Variants in NOTCH2 observed in about 807,000 individuals in gnomAD.
The protein encoded by NOTCH2 is notch receptor 2.
Under a neutral mutation model 235.8 loss-of-function variants are expected in NOTCH2, and 29 were observed. The observed-to-expected ratio is 0.12, with a 90% CI of 0.09 to 0.17. The LOEUF (loss-of-function observed/expected upper bound fraction) is 0.17, where lower values mean the gene tolerates loss of function less well. Ranked by LOEUF, NOTCH2 falls within the 10% of genes least tolerant of loss-of-function variation. The pLI, the probability that NOTCH2 is intolerant of heterozygous loss-of-function variation, is 1.00. For missense variants in NOTCH2, 2,285 were observed against 3,150.2 expected (o/e 0.73, Z 6.57); for synonymous variants, 1,086 against 1,141.5 (o/e 0.95, Z 0.98).
At chr1:119,921,995 C>G (rs1372544563) in intron 28 of NOTCH2, among the ~76,000 whole-genome samples, 186 bp from the exon 29 acceptor site, 2 of 152,062 alleles carry the variant, frequency 1.3e-5, no homozygotes, top group Non-Finnish European at 2.9e-5. Context: ...TCCCATTGAT[C>G]GTGAGCTTAC....
intron 5 of NOTCH2, among the ~76,000 whole-genome samples, chr1:119,984,766 A>C (rs1570715807): frequency 6.6e-6 from 1 of 152,194 alleles, no homozygotes; most frequent in Non-Finnish European, 1.5e-5. Flanking sequence ...AACTCGGTAC[A>C]TCCCTCACAT....
At chr1:119,939,845 A>G (rs1650001420) in intron 19 of NOTCH2, among the ~76,000 whole-genome samples, 1 of 152,100 alleles carries the variant, frequency 6.6e-6, no homozygotes, top group Admixed American at 6.5e-5. Flanking sequence ...ATATAGCCTA[A>G]GCCTTACTTA....
chr1:119,925,790 G>A lies in NOTCH2; in HGVS notation c.4026C>T (p.Cys1342=), dbSNP rs2101163319. 1 of 1,614,094 alleles carries A rather than the reference G, an allele frequency of 6.2e-7. No homozygotes were observed. The highest frequency in any genetic ancestry group is 1.3e-5 in the African/African-American group (1 of 75,040). The change falls in exon 25 of 34, where the codon TGC becomes TGT. Residue 1342 remains cysteine, a synonymous_variant. Coordinates refer to ENST00000256646, the MANE Select transcript of NOTCH2 (RefSeq NM_024408.4). The part of the protein sequence containing the change: ...RCPPGFSGAR[C]QSSCGQVKCR... ...ATTTCACTTGTCCACAGCTGCTCTG[G>A]CACCTTGCCCCGGAAAATCCCTGTG...
At chr1:119,999,984 G>A (rs61787002) in intron 3 of NOTCH2, among the ~76,000 whole-genome samples, 208 of 97,232 alleles carry the variant, frequency 2.1e-3, no homozygotes, top group African/African-American at 0.01. Flanking sequence ...AGAAAGGAAG[G>A]AAGGAAGGAA....
Position 120,005,448 on chromosome 1 carries a change from T to G in NOTCH2, c.296A>C (p.Glu99Ala), listed in dbSNP as rs1553206136. ...ATGAGATGTTGAGTACTGGCAGTCC[T>G]CTCCTGTAAACCCTGAGGCACATCG... ...TCRCASGFTGEDCQYSTSHPC... is the reference protein window; with the variant it reads ...TCRCASGFTGADCQYSTSHPC... Residue 99 changes from glutamate (E) to alanine (A), a missense_variant, in exon 3 of 34, where the codon GAG (glutamate) becomes GCG (alanine). By Grantham distance (107) the Glu-to-Ala change is moderately radical. Around this residue, in one of 6 missense-constraint regions of NOTCH2, gnomAD observed 431 missense variants for 757.8 expected, o/e 0.57. Transcript: ENST00000256646. 1 of 1,613,910 alleles carries G rather than the reference T, an allele frequency of 6.2e-7. No individual in the cohort carries two copies. The highest frequency in any genetic ancestry group is 8.5e-7 in the Non-Finnish European group (1 of 1,179,854).
At chr1:119,919,981 C>T (rs1348124769) in intron 30 of NOTCH2, among the ~76,000 whole-genome samples, 5 of 152,218 alleles carry the variant, frequency 3.3e-5, no homozygotes, top group Non-Finnish European at 7.3e-5. Flanking sequence ...TATCCCACTA[C>T]AATCTAACCC....
At chr1:119,967,696 T>G in intron 7 of NOTCH2, 75 bp from the exon 8 acceptor site, 1 of 1,303,104 alleles carries the variant, frequency 7.7e-7, no homozygotes. Flanking sequence ...GAAGAGCATC[T>G]GATGGTTATA....
Position 119,978,183 on chromosome 1 carries a change from G to A in NOTCH2, c.875-8439C>T, listed in dbSNP as rs587770145. Among the ~76,000 whole-genome samples the A allele has an allele frequency of 4.0e-5, 6 of 151,852 alleles. 1 individual carries two copies. The East Asian group carries it at 9.7e-4, about 25-fold the overall frequency. ...AGTGTGTAGAGAAAGGGTGGAGTGCGGAGTATTTCAGGCAGAAAGCATAGG... is the reference window on the plus strand; with the variant it reads ...AGTGTGTAGAGAAAGGGTGGAGTGCAGAGTATTTCAGGCAGAAAGCATAGG... On this transcript the variant is annotated intron_variant, in intron 5 of 33. Coordinates refer to ENST00000256646, the MANE Select transcript of NOTCH2 (RefSeq NM_024408.4).
chr1:120,068,908 C>T (rs1234992371), intron 1 of NOTCH2: 2 of 806,028 alleles, frequency 2.5e-6, no homozygotes, highest in African/African-American at 2.0e-5. Flanking sequence ...GCTTGGCGGC[C>T]CTGCCCCCGC....
At chr1:119,997,363 G>T (rs782551853) in intron 3 of NOTCH2, 31 bp from the exon 4 acceptor site, 2 of 1,607,746 alleles carry the variant, frequency 1.2e-6, no homozygotes, top group Non-Finnish European at 1.7e-6. Context: ...CTCAGTACTG[G>T]CCACAGAAAT....
chr1:119,917,021 A>G (rs587756712), intron 33 of NOTCH2, among the ~76,000 whole-genome samples: 56 of 152,366 alleles, frequency 3.7e-4, no homozygotes, highest in African/African-American at 1.3e-3. Context: ...AGCTTATCAA[A>G]ATAAGGTTAA....
At chr1:119,961,080 G>A (rs1252300539) in intron 11 of NOTCH2, among the ~76,000 whole-genome samples, 1 of 152,088 alleles carries the variant, frequency 6.6e-6, no homozygotes, top group East Asian at 1.9e-4. Context: ...CACCCACCCT[G>A]CACATTAGTC....
chr1:119,984,575 GA>G (rs1227166566), intron 5 of NOTCH2, among the ~76,000 whole-genome samples: 20 of 152,156 alleles, frequency 1.3e-4, no homozygotes, highest in African/African-American at 4.8e-4. Flanking sequence ...AGACTAATCT[GA>G]ATTTATACAT....
intron 5 of NOTCH2, among the ~76,000 whole-genome samples, chr1:119,986,285 G>A (rs1281899478): frequency 1.3e-5 from 2 of 152,114 alleles, no homozygotes; most frequent in African/African-American, 4.8e-5. Flanking sequence ...CAGACATAAA[G>A]AGAAATTAGA....
At position 119,997,198 on chromosome 1, in the gene NOTCH2, T is replaced by G; in HGVS notation, c.550A>C (p.Asn184His). 6.2e-7 allele frequency: 1 copy of G among 1,614,000 alleles called. No homozygotes were observed. The highest frequency in any genetic ancestry group is 8.5e-7 in the Non-Finnish European group (1 of 1,179,860). The change falls in exon 4 of 34, where the codon AAT becomes CAT. Residue 184 changes from asparagine (N) to histidine (H), a missense_variant. Transcript: ENST00000256646. The stretch of plus-strand genomic sequence containing the variant: ...CAGTGTCCTGGAATGTCACACTCAT[T>G]GACATCAGTCTCACATTTCTGCCCT... ...FTGQKCETDVNECDIPGHCQH... is the reference protein window; with the variant it reads ...FTGQKCETDVHECDIPGHCQH...
intron 21 of NOTCH2, among the ~76,000 whole-genome samples, chr1:119,936,164 G>A (rs1553195699): frequency 1.3e-5 from 2 of 152,188 alleles, no homozygotes; most frequent in Non-Finnish European, 2.9e-5. Context: ...AGATATGGCT[G>A]TGAGGTGGCT....
Position 119,941,426 on chromosome 1 carries a change from C to T in NOTCH2, c.2981+100G>A, listed in dbSNP as rs1371552098. 4.8e-6 allele frequency: 4 copies of T among 830,774 alleles called. No individual in the cohort carries two copies. In the Admixed American group the frequency reaches 5.9e-5, roughly 12 times the overall value. 51.5% of individuals were successfully genotyped at this position (830,774 alleles called of 1,614,324 possible). ...TGTGGACTGGGATCCATGTGGACAC[C>T]TCATCCCTGCTCCACAATTCTAGCA... On this transcript the variant is annotated intron_variant, in intron 18 of 33. Transcript: ENST00000256646.
intron 3 of NOTCH2, among the ~76,000 whole-genome samples, chr1:120,001,414 C>T (rs1652746238): frequency 6.6e-6 from 1 of 152,082 alleles, no homozygotes; most frequent in Non-Finnish European, 1.5e-5. Flanking sequence ...TGGCTTTGCC[C>T]TGCCCAGGCA....
chr1:119,963,646 G>A lies in NOTCH2; in HGVS notation c.1843C>T (p.Pro615Ser), dbSNP rs782261541. ...SDQIDECYSS[P>S]CLNDGRCIDL... Reference sequence around the variant, plus strand: ...ATGCAGCGACCATCGTTCAGGCAAGGGCTGCTGTAACATTCATCAATCTGG... The same window carrying A: ...ATGCAGCGACCATCGTTCAGGCAAGAGCTGCTGTAACATTCATCAATCTGG... The change falls in exon 11 of 34, where the codon CCT (proline) becomes TCT (serine). Residue 615 changes from proline (P) to serine (S), a missense_variant. Transcript: ENST00000256646. 3 of 1,614,138 alleles carry A rather than the reference G, an allele frequency of 1.9e-6. No homozygotes were observed. Among genetic ancestry groups the A allele is most frequent in the East Asian group, 2.2e-5 (1 of 44,886 alleles).
Sources: allele counts gnomAD v4.1 joint callset (sites outside exome capture counted in the v4.1 genomes callset), GRCh38; gene constraint gnomAD v4.1.1; regional missense constraint gnomAD v4.1.1; transcripts MANE v1.5; gene names NCBI Gene and HGNC (gene_info 2026-07-23, HGNC 2026-07-21).